The following MEGF9 variants were observed in gnomAD, a reference collection of about 807,000 sequenced individuals.
The protein encoded by MEGF9 is multiple EGF like domains 9, also known as multiple epidermal growth factor-like domains protein 9.
In MEGF9, 6 loss-of-function variants were observed where a neutral mutation model predicts 46.8. The ratio of observed to expected loss-of-function variants is 0.13; its 90% CI spans 0.07 to 0.25. MEGF9 has a LOEUF of 0.25. MEGF9 is among the 10% of genes least tolerant of loss of function. The pLI is 1.00. For missense variants in MEGF9, 683 were observed against 792.4 expected, an observed-to-expected ratio of 0.86 and a Z score of 1.66; for synonymous variants, 302 against 330.7, an observed-to-expected ratio of 0.91 and a Z score of 0.94.
At chr9:120,662,737 A>G (rs2043708241) in intron 1 of MEGF9, among the ~76,000 whole-genome samples, 1 of 152,268 alleles carries the variant, frequency 6.6e-6, no homozygotes, top group Non-Finnish European at 1.5e-5. Context: ...TAATAAATGC[A>G]ATTCAGATGT....
intron 1 of MEGF9, among the ~76,000 whole-genome samples, chr9:120,692,956 A>G (rs1314019502): frequency 6.6e-6 from 1 of 152,154 alleles, no homozygotes; most frequent in Admixed American, 6.5e-5. Flanking sequence ...AGAACTTACC[A>G]TTCTGTAGTC....
intron 5 of MEGF9, among the ~76,000 whole-genome samples, chr9:120,607,396 G>A (rs1322429935): frequency 6.6e-6 from 1 of 152,116 alleles, no homozygotes; most frequent in Non-Finnish European, 1.5e-5. Flanking sequence ...TACTTCAAAA[G>A]ACCTTTGATG....
At chr9:120,648,177 T>G (rs553723357) in intron 2 of MEGF9, among the ~76,000 whole-genome samples, 2 of 152,252 alleles carry the variant, frequency 1.3e-5, no homozygotes, top group Non-Finnish European at 1.5e-5. Context: ...ACAAGTCTGA[T>G]GTCACCTCTT....
intron 1 of MEGF9, among the ~76,000 whole-genome samples, chr9:120,712,242 A>G (rs1287841361): frequency 1.3e-5 from 2 of 152,226 alleles, no homozygotes; most frequent in African/African-American, 4.8e-5. Context: ...TGGGCAACAG[A>G]GCCAGACCCT....
intron 3 of MEGF9, 98 bp from the exon 4 acceptor site, chr9:120,612,637 GA>G: frequency 9.2e-7 from 1 of 1,086,062 alleles, no homozygotes. Context: ...ATAAGAAAAA[GA>G]AAAACTAATA....
chr9:120,670,306 A>G (rs2043742948), intron 1 of MEGF9, among the ~76,000 whole-genome samples: 1 of 152,182 alleles, frequency 6.6e-6, no homozygotes, highest in Non-Finnish European at 1.5e-5. Flanking sequence ...CATGTTGGTC[A>G]GGCTGGTCTC....
At chr9:120,627,624 G>T (rs1006838322) in intron 2 of MEGF9, among the ~76,000 whole-genome samples, 1 of 152,028 alleles carries the variant, frequency 6.6e-6, no homozygotes, top group Non-Finnish European at 1.5e-5. Context: ...TATCACGCCC[G>T]GCTAATTTTT....
At chr9:120,648,047 T>G (rs1049412048) in intron 2 of MEGF9, among the ~76,000 whole-genome samples, 1 of 152,162 alleles carries the variant, frequency 6.6e-6, no homozygotes, top group African/African-American at 2.4e-5. Flanking sequence ...ATTAATATCT[T>G]AAGTCAGGCC....
intron 1 of MEGF9, among the ~76,000 whole-genome samples, chr9:120,711,842 C>CAT (rs767756377): frequency 1.8e-4 from 26 of 140,880 alleles, no homozygotes; most frequent in African/African-American, 5.8e-4. Flanking sequence ...TACATACATA[C>CAT]ATACACACAC....
chr9:120,659,266 T>C (rs2043690898), intron 2 of MEGF9, 108 bp downstream of exon 2: 1 of 715,952 alleles, frequency 1.4e-6, no homozygotes, highest in Non-Finnish European at 2.2e-6. Flanking sequence ...TGTAAATCTA[T>C]GACCCTCATC....
intron 1 of MEGF9, 131 bp downstream of exon 1, chr9:120,713,627 T>TC: frequency 5.9e-6 from 7 of 1,192,058 alleles, no homozygotes; most frequent in Non-Finnish European, 7.4e-6. Flanking sequence ...GGACCTGGGA[T>TC]CCCCCCTCGG....
intron 1 of MEGF9, among the ~76,000 whole-genome samples, chr9:120,704,326 T>C (rs1199606098): frequency 1.3e-5 from 2 of 150,538 alleles, no homozygotes; most frequent in Non-Finnish European, 3.0e-5. Context: ...AGAGCGAGAC[T>C]GTGTCTCAAA....
At chr9:120,615,321 A>C (rs2043467490) in intron 3 of MEGF9, among the ~76,000 whole-genome samples, 1 of 149,584 alleles carries the variant, frequency 6.7e-6, no homozygotes, top group Non-Finnish European at 1.5e-5. Context: ...ACATGCACAC[A>C]CACACACTTG....
chr9:120,662,847 CA>C (rs1439636100), intron 1 of MEGF9, among the ~76,000 whole-genome samples: 1 of 152,156 alleles, frequency 6.6e-6, no homozygotes, highest in Non-Finnish European at 1.5e-5. Flanking sequence ...GTCTGGGAAA[CA>C]GAATTAGTGG....
Position 120,714,288 on chromosome 9 carries a change from G to A in MEGF9, c.71C>T (p.Ala24Val). 8.2e-7 allele frequency: 1 copy of A among 1,224,632 alleles called. No homozygotes were observed. The highest frequency in any genetic ancestry group is 1.0e-6 in the Non-Finnish European group (1 of 972,960). 75.9% of individuals were successfully genotyped at this position (1,224,632 alleles called of 1,614,324 possible). The change falls in exon 1 of 6, where the codon GCC becomes GTC. Residue 24 changes from alanine (A) to valine (V), a missense_variant. Physicochemically the swap from Ala to Val is moderately conservative, Grantham distance 64. This residue lies in a region of MEGF9 where 370 missense variants were observed against 371.3 expected (regional missense o/e 1.00). Coordinates refer to ENST00000373930, the MANE Select transcript of MEGF9 (RefSeq NM_001080497.3). Reference protein sequence around the residue: ...SLGGLALLCCAAAAAAAAVAS... With the variant: ...SLGGLALLCCVAAAAAAAVAS... ...GACGGCGGCGGCGGCGGCGGCGGCG[G>A]CGCAGCACAACAGGGCGAGGCCGCC...
At chr9:120,657,161 G>C (rs2043681014) in intron 2 of MEGF9, among the ~76,000 whole-genome samples, 1 of 152,186 alleles carries the variant, frequency 6.6e-6, no homozygotes, top group Non-Finnish European at 1.5e-5. Flanking sequence ...ATAAATGCAT[G>C]GAACTATGTT....
At chr9:120,679,532 G>C (rs1422885246) in intron 1 of MEGF9, among the ~76,000 whole-genome samples, 1 of 151,830 alleles carries the variant, frequency 6.6e-6, no homozygotes, top group African/African-American at 2.4e-5. Context: ...TAAATGACGA[G>C]TTAATGGGTG....
At position 120,605,046 on chromosome 9, in the gene MEGF9, C is replaced by T. The variant is rs2043414266; in HGVS notation, c.*144G>A. Reference sequence around the variant, plus strand: ...CTAAGAGCAATAGATAGGCTAAGCGCATTACAAATTTGTACCTGAAAATTT... The same window carrying T: ...CTAAGAGCAATAGATAGGCTAAGCGTATTACAAATTTGTACCTGAAAATTT... On this transcript the variant is annotated 3_prime_UTR_variant, in exon 6 of 6. Transcript: ENST00000373930. This position sits in a 1 kb window ranked among gnomAD's most constrained non-coding sequence, Gnocchi z 4.0. 1 of 729,182 alleles carries T rather than the reference C, an allele frequency of 1.4e-6. No homozygotes were observed. The highest frequency in any genetic ancestry group is 2.2e-6 in the Non-Finnish European group (1 of 450,772). The allele number at this position is 729,182 out of a possible 1,614,324, so 45.2% of individuals were successfully genotyped here.
Position 120,622,598 on chromosome 9 carries a change from G to A in MEGF9, c.943+18C>T. 6 of 1,612,376 alleles carry A rather than the reference G, an allele frequency of 3.7e-6. No individual in the cohort carries two copies. In the African/African-American group the frequency reaches 5.3e-5, roughly 14 times the overall value. On this transcript the variant is annotated intron_variant, in intron 3 of 5. Coordinates refer to ENST00000373930, the MANE Select transcript of MEGF9 (RefSeq NM_001080497.3). ...AACAGTGGAATAATTACATGACAAA[G>A]TTAAGGAAAGTACGTACCTGTGAGG...
Sources: allele counts gnomAD v4.1 joint callset (sites outside exome capture counted in the v4.1 genomes callset), GRCh38; gene constraint gnomAD v4.1.1; regional missense constraint gnomAD v4.1.1; non-coding constraint Gnocchi (gnomAD v3.1); transcripts MANE v1.5; gene names NCBI Gene and HGNC (gene_info 2026-07-23, HGNC 2026-07-21).